The following SUPT6H variants were observed in gnomAD, a reference collection of about 807,000 sequenced individuals.
SUPT6H encodes SPT6 homolog, histone chaperone and transcription elongation factor, also known as transcription elongation factor SPT6.
SUPT6H carries 11 observed loss-of-function variants against 222.3 expected under a neutral mutation model. The observed-to-expected ratio is 0.05, with a 90% CI of 0.03 to 0.08. The LOEUF is 0.08. SUPT6H is among the 10% of genes least tolerant of loss of function. SUPT6H has a pLI of 1.00. For synonymous variants in SUPT6H, 762 were observed against 801.2 expected (o/e 0.95, Z 0.83); for missense variants, 1,422 against 2,216.0 (o/e 0.64, Z 7.19).
In SUPT6H at chr17:28,699,471, A is replaced by G. The variant is rs559795598; in HGVS notation, c.4449-310A>G. ...GGAGGCCCCTTCCAACCCTGGCACT[A>G]TGGGATCTCGGTCTCACTTCACCGG... is the stretch of plus-strand genomic sequence containing the variant. On this transcript the variant is annotated intron_variant, in intron 32 of 36. Transcript: ENST00000314616. Among the ~76,000 whole-genome samples, 10 of 152,170 alleles carry G rather than the reference A, an allele frequency of 6.6e-5. No individual in the cohort carries two copies. In the South Asian group the frequency reaches 1.2e-3, roughly 19 times the overall value.
At chr17:28,690,870 T>C (rs746955407) in intron 26 of SUPT6H, 51 bp from the exon 27 acceptor site, 9 of 1,583,928 alleles carry the variant, frequency 5.7e-6, no homozygotes, top group Non-Finnish European at 7.8e-6. Flanking sequence ...TGGAAAGAAG[T>C]GCTCTCCACA....
Position 28,673,446 on chromosome 17 carries a change from A to G in SUPT6H, c.45A>G (p.Glu15=). Residue 15 remains glutamate (E), a synonymous_variant, in exon 2 of 37, where the codon GAA becomes GAG. Coordinates refer to ENST00000314616, the MANE Select transcript of SUPT6H (RefSeq NM_003170.5). ...GCGAGGCTGAGGAGTCAGAGGAAGA[A>G]TACAATGATGAAGGCGAGGTGGTAC... ...VESEAEESEE[E]YNDEGEVVPR... The G allele has an allele frequency of 6.2e-7, 1 of 1,614,142 alleles. No individual in the cohort carries two copies. Among genetic ancestry groups the G allele is most frequent in the African/African-American group, 1.3e-5 (1 of 75,064 alleles).
rs761333127 is a variant in SUPT6H, at chr17:28,674,606, A to G, written c.338A>G (p.Lys113Arg). 2.5e-6 allele frequency: 4 copies of G among 1,614,090 alleles called. No individual in the cohort carries two copies. In the South Asian group the frequency reaches 4.4e-5, roughly 18 times the overall value. ...GAGGAGAATTTGGGTGTCAAAGTCA[A>G]AAGAGGAGTAAGTGTCATTCTTTGT... ...LIEENLGVKV[K>R]RGQKYRRVKK... Residue 113 changes from lysine (K) to arginine (R), a missense_variant, in exon 4 of 37, where the codon AAA becomes AGA. By Grantham distance (26) the Lys-to-Arg change is conservative. This residue lies in a region of SUPT6H where 1 missense variants were observed against 21.8 expected (regional missense o/e 0.05). Coordinates refer to ENST00000314616, the MANE Select transcript of SUPT6H (RefSeq NM_003170.5).
intron 1 of SUPT6H, among the ~76,000 whole-genome samples, chr17:28,663,856 G>A (rs2072116480): frequency 5.4e-4 from 1 of 1,858 alleles, no homozygotes; most frequent in Non-Finnish European, 3.5e-3. Context: ...GTGGAGACAG[G>A]GTCTTGCTCT....
intron 1 of SUPT6H, among the ~76,000 whole-genome samples, chr17:28,662,557 G>A (rs954801390): frequency 1.3e-4 from 20 of 152,180 alleles, no homozygotes; most frequent in Non-Finnish European, 2.4e-4. Context: ...CCCGGAACCC[G>A]TGAATCGGGT....
chr17:28,667,501 G>GTA lies in SUPT6H; in HGVS notation c.-32+5170_-32+5171dup, dbSNP rs150189935. 4.8e-3 allele frequency among the ~76,000 whole-genome samples: 657 copies of GTA among 138,290 alleles called. 8 individuals are homozygous for GTA. Among genetic ancestry groups the GTA allele is most frequent in the Middle Eastern group, 0.027 (7 of 260 alleles). The allele number at this position is 138,290 out of a possible 152,430, so 90.7% of individuals were successfully genotyped here. A position where few individuals can be genotyped will look rare whatever the true frequency, so the allele number is the denominator to read the frequency against. Reference sequence around the variant, plus strand: ...TATGTGTGTGTATATATGTATATGTGTATATATATATAAATACGTGTGTGT... The same window carrying GTA: ...TATGTGTGTGTATATATGTATATGTGTATATATATATATAAATACGTGTGTGT... On this transcript the variant is annotated intron_variant, in intron 1 of 36. Coordinates refer to ENST00000314616, the MANE Select transcript of SUPT6H (RefSeq NM_003170.5).
In SUPT6H at chr17:28,681,966, A is replaced by G. The variant is rs775382792; in HGVS notation, c.1583A>G (p.Gln528Arg). The G allele has an allele frequency of 4.4e-6, 7 of 1,605,456 alleles. No homozygotes were observed. The highest frequency in any genetic ancestry group is 5.9e-6 in the Non-Finnish European group (7 of 1,177,212). ...ASRRDMYTIC[Q>R]SAGLDGLAKK... ...CGCCGAGACATGTACACCATCTGCC[A>G]GAGTGCTGGGCTAGGTAAAAGCTAG... The change falls in exon 13 of 37, where the codon CAG becomes CGG. Residue 528 changes from glutamine (Q) to arginine (R), a missense_variant. By Grantham distance (43) the Gln-to-Arg change is conservative. Transcript: ENST00000314616.
rs762409663 is a variant in SUPT6H at position 28,690,917 on chromosome 17, G to A, written c.3491-4G>A. 1.9e-6 allele frequency: 3 copies of A among 1,612,244 alleles called. No individual in the cohort carries two copies. Among genetic ancestry groups the A allele is most frequent in the Non-Finnish European group, 2.5e-6 (3 of 1,179,448 alleles). The stretch of plus-strand genomic sequence containing the variant: ...TGCTCCCCATCCTCTTTTCCTTCTT[G>A]CAGGAAAGCTCATCATCTGCAATGT... On this transcript the variant is annotated splice_region_variant and splice_polypyrimidine_tract_variant and intron_variant, in intron 26 of 36. Transcript: ENST00000314616.
At chr17:28,684,487 C>T (rs901737986) in intron 17 of SUPT6H, 99 bp from the exon 18 acceptor site, 20 of 1,425,188 alleles carry the variant, frequency 1.4e-5, no homozygotes, top group African/African-American at 7.0e-5. Flanking sequence ...TACACACCCT[C>T]GCACATGTGT....
chr17:28,678,306 T>A (rs2030881113), intron 9 of SUPT6H, 114 bp downstream of exon 9: 1 of 982,500 alleles, frequency 1.0e-6, no homozygotes, highest in East Asian at 2.4e-5. Context: ...TATCCATGAC[T>A]CAACAAGTGT....
chr17:28,667,519 G>A lies in SUPT6H; in HGVS notation c.-32+5177G>A, dbSNP rs1238590943. On this transcript the variant is annotated intron_variant, in intron 1 of 36. Coordinates refer to ENST00000314616, the MANE Select transcript of SUPT6H (RefSeq NM_003170.5). ...TATATGTGTATATATATATAAATAC[G>A]TGTGTGTGTGTGTGTTTTATATATA... is the stretch of plus-strand genomic sequence containing the variant. Among the ~76,000 whole-genome samples, 14 of 138,582 alleles carry A rather than the reference G, an allele frequency of 1.0e-4. No individual in the cohort carries two copies. In the East Asian group the frequency reaches 1.1e-3, roughly 11 times the overall value. The allele number at this position is 138,582 out of a possible 152,430, so 90.9% of individuals were successfully genotyped here.
chr17:28,680,589 C>G (rs1332284211), intron 11 of SUPT6H, among the ~76,000 whole-genome samples: 1 of 152,176 alleles, frequency 6.6e-6, no homozygotes, highest in Non-Finnish European at 1.5e-5. Context: ...GAGCAAGACT[C>G]CATCTCAAAA....
chr17:28,687,234 G>A lies in SUPT6H; in HGVS notation c.2838+9G>A. 6.2e-7 allele frequency: 1 copy of A among 1,614,180 alleles called. No individual in the cohort carries two copies. The highest frequency in any genetic ancestry group is 8.5e-7 in the Non-Finnish European group (1 of 1,180,036). On this transcript the variant is annotated intron_variant, in intron 22 of 36. Coordinates refer to ENST00000314616, the MANE Select transcript of SUPT6H (RefSeq NM_003170.5). The stretch of plus-strand genomic sequence containing the variant: ...AGTTTCACCCCTTGCAGGTGAGTAG[G>A]ATTTGACAGGCAGGCTCGGGTGAAG...
chr17:28,697,725 G>A lies in SUPT6H; in HGVS notation c.4315G>A (p.Asp1439Asn). 6.2e-7 allele frequency: 1 copy of A among 1,614,150 alleles called. No individual in the cohort carries two copies. Among genetic ancestry groups the A allele is most frequent in the Non-Finnish European group, 8.5e-7 (1 of 1,179,998 alleles). The change falls in exon 31 of 37, where the codon GAC becomes AAC. Residue 1439 changes from aspartate (D) to asparagine (N), a missense_variant. By Grantham distance (23) the Asp-to-Asn change is conservative. Around this residue, in one of 13 missense-constraint regions of SUPT6H, gnomAD observed 395 missense variants for 580.6 expected, o/e 0.68. Coordinates refer to ENST00000314616, the MANE Select transcript of SUPT6H (RefSeq NM_003170.5). ...HKYYQDCSGG[D>N]RKKLEELLIK... ...GTATTATCAGGACTGCAGCGGTGGG[G>A]ACCGCAAGGTAAGCCCAGGGCCCTC...
At chr17:28,686,532 G>A in intron 20 of SUPT6H, 117 bp downstream of exon 20, 1 of 1,526,722 alleles carries the variant, frequency 6.5e-7, no homozygotes, top group Non-Finnish European at 8.9e-7. Flanking sequence ...GAGTGTCCCT[G>A]GGGATGTTTG....
Position 28,688,399 on chromosome 17 carries a change from A to G in SUPT6H, c.3134+181A>G. Reference sequence around the variant, plus strand: ...ACCTATGGAAAAGATCGGTTCAATCATGTGAAACATTTTTCGTGTGAGAGA... The same window carrying G: ...ACCTATGGAAAAGATCGGTTCAATCGTGTGAAACATTTTTCGTGTGAGAGA... On this transcript the variant is annotated intron_variant, in intron 24 of 36. Coordinates refer to ENST00000314616, the MANE Select transcript of SUPT6H (RefSeq NM_003170.5). This position sits in a 1 kb window ranked among gnomAD's most constrained non-coding sequence, Gnocchi z 4.3. 1.7e-6 allele frequency: 1 copy of G among 593,414 alleles called. No homozygotes were observed. 36.8% of individuals were successfully genotyped at this position (593,414 alleles called of 1,614,324 possible). A position where few individuals can be genotyped will look rare whatever the true frequency, so the allele number is the denominator to read the frequency against.
At chr17:28,689,612 G>C (rs982921744) in intron 25 of SUPT6H, 51 bp downstream of exon 25, 3 of 1,578,498 alleles carry the variant, frequency 1.9e-6, no homozygotes, top group Non-Finnish European at 2.6e-6. Context: ...CAAGTGGCCA[G>C]GTTGGTAGGA....
chr17:28,691,014 T>G lies in SUPT6H; in HGVS notation c.3584T>G (p.Leu1195Arg). Residue 1195 changes from leucine to arginine, a missense_variant, in exon 27 of 37, where the codon CTG (leucine) becomes CGG (arginine). By Grantham distance (102) the Leu-to-Arg change is moderately radical (BLOSUM62 -2). Coordinates refer to ENST00000314616, the MANE Select transcript of SUPT6H (RefSeq NM_003170.5). ...DQAIRNDETG[L>R]WQCPFCQQDN... is the part of the protein sequence containing the mutation. ...GCGATCCGCAATGATGAGACAGGGC[T>G]GTGGCAGTGCCCCTTCTGTCAGCAG... 1 of 1,614,152 alleles carries G rather than the reference T, an allele frequency of 6.2e-7. No individual in the cohort carries two copies. The highest frequency in any genetic ancestry group is 8.5e-7 in the Non-Finnish European group (1 of 1,180,030).
At chr17:28,685,670 GAC>G (rs2031346508) in intron 19 of SUPT6H, among the ~76,000 whole-genome samples, 1 of 152,090 alleles carries the variant, frequency 6.6e-6, no homozygotes, top group Admixed American at 6.5e-5. Context: ...TTTTTGTAGA[GAC>G]ACGGTTTCAC....
Sources: allele counts gnomAD v4.1 joint callset (sites outside exome capture counted in the v4.1 genomes callset), GRCh38; gene constraint gnomAD v4.1.1; regional missense constraint gnomAD v4.1.1; non-coding constraint Gnocchi (gnomAD v3.1); transcripts MANE v1.5; gene names NCBI Gene and HGNC (gene_info 2026-07-23, HGNC 2026-07-21).